ZBBX: variants seen among roughly 807,000 people sequenced by gnomAD.
The protein encoded by ZBBX is zinc finger B-box domain containing, also known as zinc finger B-box domain-containing protein 1.
Under a neutral mutation model 108.5 loss-of-function variants are expected in ZBBX, and 101 were observed. The ratio of observed to expected loss-of-function variants is 0.93; its 90% confidence interval spans 0.79 to 1.10. The LOEUF (loss-of-function observed/expected upper bound fraction) is 1.10. Among genes scored for constraint, ZBBX ranks in the 50% least tolerant of loss-of-function variants. ZBBX has a pLI of 0.00. For missense variants in ZBBX, 1,009 were observed against 941.4 expected (o/e 1.07, Z -0.94); for synonymous variants, 356 against 323.4 (o/e 1.10, Z -1.08).
chr3:167,275,581 A>C (rs2108493968), intron 20 of ZBBX, among the ~76,000 whole-genome samples: 1 of 152,302 alleles, frequency 6.6e-6, no homozygotes, highest in South Asian at 2.1e-4. Flanking sequence ...GGGCTTAAAA[A>C]ACGGCGCACC....
chr3:167,399,557 G>A (rs1748352993), intron 1 of ZBBX: 1 of 152,182 alleles, frequency 6.6e-6, no homozygotes, highest in African/African-American at 2.4e-5. Flanking sequence ...GGGCGCTGGA[G>A]TATAAGCCAG....
Position 167,282,603 on chromosome 3 carries a change from A to G in ZBBX, c.1997-108T>C. On this transcript the variant is annotated intron_variant, in intron 19 of 21. Coordinates refer to ENST00000675490, the MANE Select transcript of ZBBX (RefSeq NM_001199201.2). ...CACACAGAGAAGTTAAGTTCATGTAACAGAGTTTATGAAAAGTTAACTTTG... is the reference window on the plus strand; with the variant it reads ...CACACAGAGAAGTTAAGTTCATGTAGCAGAGTTTATGAAAAGTTAACTTTG... 3.2e-6 allele frequency: 3 copies of G among 942,866 alleles called. No homozygotes were observed. In the South Asian group the frequency reaches 5.6e-5, roughly 18 times the overall value. The allele number at this position is 942,866 out of a possible 1,614,324, so 58.4% of individuals were successfully genotyped here.
intron 1 of ZBBX, among the ~76,000 whole-genome samples, chr3:167,385,774 T>A (rs1258372923): frequency 6.6e-6 from 1 of 152,070 alleles, no homozygotes; most frequent in East Asian, 1.9e-4. Flanking sequence ...AGGCGATAAG[T>A]AATTTTTCAG....
chr3:167,226,465 T>C, the ZBBX span, among the ~76,000 whole-genome samples: 1 of 151,724 alleles, frequency 6.6e-6, no homozygotes, highest in Non-Finnish European at 1.5e-5. Flanking sequence ...GAGACCCATA[T>C]AACCCAAGGA....
At chr3:167,257,142 C>A (rs1723669572) in intron 20 of ZBBX, among the ~76,000 whole-genome samples, 1 of 152,162 alleles carries the variant, frequency 6.6e-6, no homozygotes, top group East Asian at 1.9e-4. Flanking sequence ...GGCTTTATTG[C>A]CTGTCTTTTG....
At chr3:167,401,256 T>C (rs1267422914) in intron 1 of ZBBX, 2 of 152,082 alleles carry the variant, frequency 1.3e-5, no homozygotes, top group Admixed American at 6.6e-5. Context: ...TTGAAATGAG[T>C]ATCAAAAAAC....
chr3:167,368,466 A>G lies in ZBBX; in HGVS notation c.177T>C (p.Asp59=), dbSNP rs374687379. 15 of 1,608,666 alleles carry G rather than the reference A, an allele frequency of 9.3e-6. No individual in the cohort carries two copies. In the African/African-American group the frequency reaches 9.4e-5, roughly 10 times the overall value. Residue 59 remains aspartate, a synonymous_variant, in exon 5 of 22, where the codon GAT becomes GAC. Coordinates refer to ENST00000675490, the MANE Select transcript of ZBBX (RefSeq NM_001199201.2). The part of the protein sequence containing the change: ...FRSTRNKEKE[D]RESSEYYWKS... The stretch of plus-strand genomic sequence containing the variant: ...TCTCTAAGAGTTTCACTCACTCTCT[A>G]TCTTCCTTTTCTTTGTTTCTTGTGG...
intron 19 of ZBBX, among the ~76,000 whole-genome samples, chr3:167,284,429 T>C (rs1729359871): frequency 6.6e-6 from 1 of 152,110 alleles, no homozygotes; most frequent in African/African-American, 2.4e-5. Flanking sequence ...AACCACACTT[T>C]AGTATCTGTA....
intron 16 of ZBBX, among the ~76,000 whole-genome samples, chr3:167,312,440 T>C (rs13085546): frequency 0.33 from 49,858 of 152,014 alleles, 9,488 homozygotes; most frequent in Non-Finnish European, 0.43. Flanking sequence ...GGACACTGAG[T>C]TACAATAATG....
chr3:167,200,785 A>T, the ZBBX span, among the ~76,000 whole-genome samples: 1 of 152,172 alleles, frequency 6.6e-6, no homozygotes, highest in Non-Finnish European at 1.5e-5. Context: ...CCAAATAATT[A>T]CTGTGAGGTA....
At chr3:167,337,349 C>A (rs897352254) in intron 9 of ZBBX, among the ~76,000 whole-genome samples, 1 of 152,000 alleles carries the variant, frequency 6.6e-6, no homozygotes, top group South Asian at 2.1e-4. Context: ...GAACCCCTAT[C>A]CCTACTAAAA....
chr3:167,330,843 A>G (rs13065642), intron 10 of ZBBX, among the ~76,000 whole-genome samples: 2 of 81,816 alleles, frequency 2.4e-5, no homozygotes, highest in Non-Finnish European at 5.1e-5. Context: ...TAGAAGAGGA[A>G]GAGGAGGAGG....
intron 20 of ZBBX, among the ~76,000 whole-genome samples, chr3:167,251,925 A>AACACACATAC (rs1553781536): frequency 7.0e-6 from 1 of 143,724 alleles, no homozygotes; most frequent in Non-Finnish European, 1.5e-5. Flanking sequence ...TTGTGCCTGC[A>AACACACATAC]ACACACACAC....
At chr3:167,202,883 A>G in the ZBBX span, among the ~76,000 whole-genome samples, 1 of 152,218 alleles carries the variant, frequency 6.6e-6, no homozygotes, top group Non-Finnish European at 1.5e-5. Flanking sequence ...TTAATTCTCA[A>G]CTTCGAAGGT....
chr3:167,199,555 C>G, the ZBBX span, among the ~76,000 whole-genome samples: 1 of 152,112 alleles, frequency 6.6e-6, no homozygotes, highest in African/African-American at 2.4e-5. Context: ...TAGAGGAATA[C>G]TACCAGGGAA....
At chr3:167,301,691 C>T (rs1043789106) in intron 17 of ZBBX, among the ~76,000 whole-genome samples, 1 of 152,108 alleles carries the variant, frequency 6.6e-6, no homozygotes, top group African/African-American at 2.4e-5. Context: ...GGCGCAGTGG[C>T]TCATGCCTGT....
chr3:167,355,974 TCTTA>T (rs1253724046), intron 8 of ZBBX, among the ~76,000 whole-genome samples: 3 of 152,056 alleles, frequency 2.0e-5, no homozygotes, highest in Non-Finnish European at 4.4e-5. Context: ...ACATCCTTCT[TCTTA>T]CTTTTCCTTC....
chr3:167,334,411 T>C (rs1233169207), intron 9 of ZBBX, among the ~76,000 whole-genome samples: 1 of 151,884 alleles, frequency 6.6e-6, no homozygotes, highest in African/African-American at 2.4e-5. Context: ...ACATCTCTAC[T>C]AAAAACACAG....
chr3:167,252,622 T>A (rs1432032020), intron 20 of ZBBX, among the ~76,000 whole-genome samples: 4 of 150,012 alleles, frequency 2.7e-5, no homozygotes, highest in African/African-American at 9.8e-5. Flanking sequence ...CTGCGTTAAG[T>A]GTGAAAGTGG....
Sources: allele counts gnomAD v4.1 joint callset (sites outside exome capture counted in the v4.1 genomes callset), GRCh38; gene constraint gnomAD v4.1.1; transcripts MANE v1.5; gene names NCBI Gene and HGNC (gene_info 2026-07-23, HGNC 2026-07-21).